The following AGBL1 variants were observed in gnomAD, a reference collection of about 807,000 sequenced individuals.
The protein encoded by AGBL1 is cytosolic carboxypeptidase 4.
Under a neutral mutation model 118.9 loss-of-function variants are expected in AGBL1, and 130 were observed. The observed-to-expected ratio is 1.09, with a 90% CI of 0.95 to 1.26. The LOEUF is 1.26. Among genes scored for constraint, AGBL1 ranks in the 50% most tolerant of loss-of-function variants. AGBL1 has a pLI of 0.00. For missense variants in AGBL1, 1,584 were observed against 1,298.1 expected (o/e 1.22, Z -3.38); for synonymous variants, 555 against 478.9 (o/e 1.16, Z -2.08).
chr15:86,181,096 C>T (rs2077546297), intron 5 of AGBL1, among the ~76,000 whole-genome samples: 1 of 152,094 alleles, frequency 6.6e-6, no homozygotes, highest in Non-Finnish European at 1.5e-5. Flanking sequence ...CTTTGGAAAA[C>T]AGTCTGGCAG....
intron 21 of AGBL1, among the ~76,000 whole-genome samples, chr15:86,617,741 G>A (rs1288756955): frequency 6.7e-6 from 1 of 149,306 alleles, no homozygotes; most frequent in Non-Finnish European, 1.5e-5. Flanking sequence ...TGGCAATTCT[G>A]TGTGATTCAA....
At chr15:86,957,570 A>G (rs2080943255) in intron 23 of AGBL1, among the ~76,000 whole-genome samples, 1 of 152,110 alleles carries the variant, frequency 6.6e-6, no homozygotes, top group Admixed American at 6.6e-5. Context: ...GCAAACAATC[A>G]GAAAAACAAT....
intron 22 of AGBL1, among the ~76,000 whole-genome samples, chr15:86,880,155 G>A (rs1240117028): frequency 6.6e-6 from 1 of 152,106 alleles, no homozygotes; most frequent in African/African-American, 2.4e-5. Flanking sequence ...TCAGACAATG[G>A]AATCTCCGAG....
intron 1 of AGBL1, among the ~76,000 whole-genome samples, chr15:86,117,716 G>A (rs554288216): frequency 5.3e-5 from 8 of 152,228 alleles, no homozygotes; most frequent in South Asian, 2.1e-4. Context: ...AATGGGACAC[G>A]TCATCCTTCA....
At chr15:86,464,223 T>A (rs1226042712) in intron 18 of AGBL1, among the ~76,000 whole-genome samples, 1 of 152,244 alleles carries the variant, frequency 6.6e-6, no homozygotes, top group African/African-American at 2.4e-5. Flanking sequence ...AGTTTGCTCA[T>A]GATTTGGCTC....
chr15:86,266,324 G>A, intron 11 of AGBL1, 50 bp from the exon 12 acceptor site: 2 of 1,410,938 alleles, frequency 1.4e-6, no homozygotes, highest in South Asian at 1.3e-5. Flanking sequence ...GGATGAGTGA[G>A]CTAGGGAGAG....
chr15:87,010,456 A>G (rs934714469), intron 24 of AGBL1, among the ~76,000 whole-genome samples: 2 of 152,192 alleles, frequency 1.3e-5, no homozygotes, highest in African/African-American at 2.4e-5. Flanking sequence ...ACCACCCAAC[A>G]TGGATGAGTG....
At chr15:87,018,172 G>A (rs1239541131) in intron 24 of AGBL1, among the ~76,000 whole-genome samples, 2 of 140,434 alleles carry the variant, frequency 1.4e-5, no homozygotes, top group East Asian at 3.9e-4. Flanking sequence ...AGATGAGAAT[G>A]GAACCAAGTT....
chr15:86,719,677 T>G (rs542640021), intron 22 of AGBL1, among the ~76,000 whole-genome samples: 3 of 152,066 alleles, frequency 2.0e-5, no homozygotes, highest in Non-Finnish European at 2.9e-5. Context: ...TATCCTCAAT[T>G]AAGATGGTAA....
At chr15:86,373,645 T>A (rs939860074) in intron 17 of AGBL1, among the ~76,000 whole-genome samples, 1 of 151,884 alleles carries the variant, frequency 6.6e-6, no homozygotes, top group African/African-American at 2.4e-5. Flanking sequence ...CAGGTGGAGA[T>A]TGTGGGGATA....
chr15:86,541,903 T>G (rs2083502589), intron 19 of AGBL1, among the ~76,000 whole-genome samples: 1 of 152,132 alleles, frequency 6.6e-6, no homozygotes, highest in Non-Finnish European at 1.5e-5. Flanking sequence ...AGAAATAGCT[T>G]GCACACAAAA....
chr15:86,481,311 A>C (rs2142123724), intron 18 of AGBL1, among the ~76,000 whole-genome samples: 1 of 152,200 alleles, frequency 6.6e-6, no homozygotes, highest in Middle Eastern at 3.4e-3. Flanking sequence ...AGGAAGTCAA[A>C]GTCTATTAAG....
At chr15:86,868,378 A>T (rs961794900) in intron 22 of AGBL1, among the ~76,000 whole-genome samples, 1 of 152,208 alleles carries the variant, frequency 6.6e-6, no homozygotes, top group Non-Finnish European at 1.5e-5. Context: ...GTCTTTCTAG[A>T]TGAGAAGTCT....
chr15:86,207,984 T>A (rs1260201078), intron 5 of AGBL1, among the ~76,000 whole-genome samples: 1 of 147,048 alleles, frequency 6.8e-6, no homozygotes, highest in African/African-American at 2.5e-5. Flanking sequence ...TTGAGATACG[T>A]CCCATCAATA....
chr15:86,296,972 GTGTTTT>G (rs564365104), intron 17 of AGBL1: 1 of 152,196 alleles, frequency 6.6e-6, no homozygotes, highest in African/African-American at 2.4e-5. Flanking sequence ...GCTGACATTG[GTGTTTT>G]TGTTGCTGTT....
In AGBL1 at chr15:86,708,806, T is replaced by A. The variant is rs995831838; in HGVS notation, c.3158+34370T>A. Among the ~76,000 whole-genome samples, 5 of 152,112 alleles carry A rather than the reference T, an allele frequency of 3.3e-5. No homozygotes were observed. In the East Asian group the frequency reaches 9.7e-4, roughly 29 times the overall value. On this transcript the variant is annotated intron_variant, in intron 22 of 22. Coordinates refer to ENST00000614907, the MANE Select transcript of AGBL1 (RefSeq NM_001386094.1). ...ATATCACCCTAGGCCAGGCCCTCCT[T>A]GTTCAGTGACTTACTTGGTTCACAG... is the stretch of plus-strand genomic sequence containing the variant.
At chr15:86,620,305 C>T (rs553801832) in intron 21 of AGBL1, among the ~76,000 whole-genome samples, 3 of 152,274 alleles carry the variant, frequency 2.0e-5, no homozygotes, top group Non-Finnish European at 2.9e-5. Flanking sequence ...AGCACCTTTC[C>T]TCAAAGGAAA....
At chr15:86,727,411 T>G (rs2086836935) in intron 22 of AGBL1, among the ~76,000 whole-genome samples, 1 of 152,176 alleles carries the variant, frequency 6.6e-6, no homozygotes, top group African/African-American at 2.4e-5. Context: ...GAGATATCAT[T>G]AATTTTTTTT....
At chr15:86,800,176 T>A (rs1239324292) in intron 22 of AGBL1, among the ~76,000 whole-genome samples, 1 of 151,560 alleles carries the variant, frequency 6.6e-6, no homozygotes, top group Non-Finnish European at 1.5e-5. Context: ...TAGGATATTA[T>A]TTTTTTTGTC....
Sources: gnomAD v4.1 joint callset for allele counts (sites outside exome capture counted in the v4.1 genomes callset) on GRCh38, gnomAD v4.1.1 for gene constraint, MANE v1.5 for transcripts, NCBI Gene and HGNC (gene_info 2026-07-23, HGNC 2026-07-21) for gene names.